CNIH2: variants seen among roughly 807,000 people sequenced by gnomAD.
The protein encoded by CNIH2 is protein cornichon homolog 2.
Under a neutral mutation model 22.9 loss-of-function variants are expected in CNIH2, and 8 were observed. That is an observed-to-expected ratio of 0.35 (90% CI 0.20 to 0.63). The LOEUF (loss-of-function observed/expected upper bound fraction) is 0.63, where lower values mean the gene tolerates loss of function less well. Among genes scored for constraint, CNIH2 ranks in the 30% least tolerant of loss-of-function variants. CNIH2 has a pLI of 0.72. For missense variants in CNIH2, 105 were observed against 206.2 expected (o/e 0.51, Z 3.01); for synonymous variants, 74 against 78.2 (o/e 0.95, Z 0.28).
chr11:66,278,653 C>G (rs1179177293), intron 1 of CNIH2, 116 bp downstream of exon 1: 3 of 678,082 alleles, frequency 4.4e-6, no homozygotes, highest in Non-Finnish European at 6.0e-6. Context: ...TATCCCCCAG[C>G]CGTCGGCTTG....
intron 5 of CNIH2, 58 bp downstream of exon 5, chr11:66,283,449 T>C (rs1682347323): frequency 4.3e-6 from 7 of 1,612,028 alleles, no homozygotes; most frequent in Non-Finnish European, 5.9e-6. Flanking sequence ...GCATCACGCT[T>C]CCAATCCCAA....
chr11:66,282,771 C>T lies in CNIH2; in HGVS notation c.189C>T (p.Leu63=). 6.2e-7 allele frequency: 1 copy of T among 1,612,350 alleles called. No homozygotes were observed. The change falls in exon 3 of 6, where the codon CTC becomes CTT. Residue 63 remains leucine (L), a synonymous_variant. Coordinates refer to ENST00000311445, the MANE Select transcript of CNIH2 (RefSeq NM_182553.3). ...AAAACATCGAACGCATCTGCTGCCTCCTGAGGAAGGTCAGTGTCAGGGCTG... is the reference window on the plus strand; with the variant it reads ...AAAACATCGAACGCATCTGCTGCCTTCTGAGGAAGGTCAGTGTCAGGGCTG... ...RLKNIERICC[L]LRKLVVPEYS...
At chr11:66,278,572 G>C in intron 1 of CNIH2, 35 bp downstream of exon 1, 1 of 1,265,560 alleles carries the variant, frequency 7.9e-7, no homozygotes, top group South Asian at 1.5e-5. Flanking sequence ...TGGGGGCGGG[G>C]TGGGGGGCAG....
At chr11:66,279,457 C>T (rs901179834) in intron 1 of CNIH2, among the ~76,000 whole-genome samples, 8 of 151,862 alleles carry the variant, frequency 5.3e-5, no homozygotes, top group Non-Finnish European at 1.2e-4. Context: ...CCACCCCCAC[C>T]CAAACCCCGT....
intron 1 of CNIH2, among the ~76,000 whole-genome samples, chr11:66,279,461 A>C (rs1223516377): frequency 3.3e-4 from 48 of 147,164 alleles, no homozygotes; most frequent in African/African-American, 4.3e-4. Flanking sequence ...CCCCACCCAA[A>C]CCCCGTGCCT....
chr11:66,279,605 C>A (rs1442802188), intron 1 of CNIH2, among the ~76,000 whole-genome samples: 1 of 152,142 alleles, frequency 6.6e-6, no homozygotes, highest in African/African-American at 2.4e-5. Flanking sequence ...ATCCCATTTC[C>A]CATAGCCCTT....
In CNIH2 at chr11:66,283,175, C is replaced by A; in HGVS notation, c.311+28C>A. The A allele has an allele frequency of 1.9e-6, 3 of 1,613,574 alleles. No individual in the cohort carries two copies. In the African/African-American group the frequency reaches 4.0e-5, roughly 22 times the overall value. ...GAGGGTAGCAGCTGCCTTGGGGAGG[C>A]TGAGATGGGGAACAGGGGCAGGATG... On this transcript the variant is annotated intron_variant, in intron 4 of 5. Transcript: ENST00000311445.
At position 66,283,410 on chromosome 11, in the gene CNIH2, C is replaced by G. The variant is rs1467454966; in HGVS notation, c.455+19C>G. Reference sequence around the variant, plus strand: ...TGTACAGGTGAGGCCTTGCCCACAGCAGTCAGAACTCAGGGAAGGGATGTC... The same window carrying G: ...TGTACAGGTGAGGCCTTGCCCACAGGAGTCAGAACTCAGGGAAGGGATGTC... On this transcript the variant is annotated intron_variant, in intron 5 of 5. Coordinates refer to ENST00000311445, the MANE Select transcript of CNIH2 (RefSeq NM_182553.3). 6.2e-7 allele frequency: 1 copy of G among 1,613,746 alleles called. No homozygotes were observed. The highest frequency in any genetic ancestry group is 8.5e-7 in the Non-Finnish European group (1 of 1,179,772).
intron 2 of CNIH2, 47 bp downstream of exon 2, chr11:66,282,374 T>C (rs1857271000): frequency 7.2e-7 from 1 of 1,381,134 alleles, no homozygotes; most frequent in South Asian, 1.1e-5. Context: ...CCGTCTGTCT[T>C]TCCATCTGTC....
At chr11:66,280,189 G>T (rs1857238795) in intron 1 of CNIH2, among the ~76,000 whole-genome samples, 1 of 152,226 alleles carries the variant, frequency 6.6e-6, no homozygotes, top group Non-Finnish European at 1.5e-5. Context: ...CTTTGAGGGG[G>T]TCAAGGATGA....
Position 66,283,136 on chromosome 11 carries a change from C to T in CNIH2, c.300C>T (p.Tyr100=). 1 of 1,613,708 alleles carries T rather than the reference C, an allele frequency of 6.2e-7. No individual in the cohort carries two copies. Among genetic ancestry groups the T allele is most frequent in the Non-Finnish European group, 8.5e-7 (1 of 1,179,736 alleles). Reference sequence around the variant, plus strand: ...GCCTCAACATCCCCCTCCTCTTCTACCACCTCTGGAGGTGAGGGTAGCAGC... The same window carrying T: ...GCCTCAACATCCCCCTCCTCTTCTATCACCTCTGGAGGTGAGGGTAGCAGC... The part of the protein sequence containing the change: ...TLGLNIPLLF[Y]HLWRYFHRPA... The change falls in exon 4 of 6, where the codon TAC becomes TAT. Residue 100 remains tyrosine, a synonymous_variant. Coordinates refer to ENST00000311445, the MANE Select transcript of CNIH2 (RefSeq NM_182553.3).
At chr11:66,282,556 T>G (rs1857275671) in intron 2 of CNIH2, 177 bp from the exon 3 acceptor site, 1 of 852,140 alleles carries the variant, frequency 1.2e-6, no homozygotes, top group Non-Finnish European at 1.9e-6. Flanking sequence ...GAGACGCGGG[T>G]GAAGGCCCTT....
intron 1 of CNIH2, among the ~76,000 whole-genome samples, chr11:66,280,400 C>A (rs770135133): frequency 2.6e-5 from 4 of 152,232 alleles, no homozygotes; most frequent in Non-Finnish European, 5.9e-5. Context: ...GACCTGTGCA[C>A]ATCAGAGTGC....
rs1417088024 is a variant in CNIH2, at chr11:66,283,698, G to A, written c.*101G>A. The A allele has an allele frequency of 3.7e-6, 5 of 1,345,060 alleles. No individual in the cohort carries two copies. In the African/African-American group the frequency reaches 5.9e-5, roughly 16 times the overall value. 83.3% of individuals were successfully genotyped at this position (1,345,060 alleles called of 1,614,324 possible). A position where few individuals can be genotyped will look rare whatever the true frequency, so the allele number is the denominator to read the frequency against. On this transcript the variant is annotated 3_prime_UTR_variant, in exon 6 of 6. Transcript: ENST00000311445. ...GAGGCCTCAGCCCTGGGGAGGGAGG[G>A]GGCACTGGTGCCCCCAGCCTCTCCA... is the stretch of plus-strand genomic sequence containing the variant.
At chr11:66,282,693 T>C (rs1565185663) in intron 2 of CNIH2, 40 bp from the exon 3 acceptor site, 1 of 1,612,616 alleles carries the variant, frequency 6.2e-7, no homozygotes, top group Non-Finnish European at 8.5e-7. Flanking sequence ...AGTACCTGCT[T>C]CTCCGCCACC....
Position 66,283,745 on chromosome 11 carries a change from G to A in CNIH2, c.*148G>A. On this transcript the variant is annotated 3_prime_UTR_variant, in exon 6 of 6. Transcript: ENST00000311445. ...TCCAACCCCCAAACTGCTGCTGCGG[G>A]GAACCCCCCCCACCCCGCCTTCAGA... 1.2e-6 allele frequency: 1 copy of A among 835,602 alleles called. No individual in the cohort carries two copies. Among genetic ancestry groups the A allele is most frequent in the South Asian group, 1.8e-5 (1 of 56,976 alleles). 51.8% of individuals were successfully genotyped at this position (835,602 alleles called of 1,614,324 possible).
At chr11:66,283,475 C>T in intron 5 of CNIH2, 84 bp downstream of exon 5, 2 of 1,610,658 alleles carry the variant, frequency 1.2e-6, no homozygotes, top group Non-Finnish European at 1.7e-6. Context: ...TGCCTTTTGC[C>T]CCTGAGGACT....
intron 1 of CNIH2, among the ~76,000 whole-genome samples, chr11:66,280,470 A>G (rs1213341615): frequency 6.6e-6 from 1 of 152,198 alleles, no homozygotes; most frequent in East Asian, 1.9e-4. Flanking sequence ...CACAGCTGCT[A>G]AGAACTAGAC....
chr11:66,282,366 G>A (rs779890404), intron 2 of CNIH2, 39 bp downstream of exon 2: 10 of 1,403,576 alleles, frequency 7.1e-6, no homozygotes, highest in East Asian at 3.6e-5. Context: ...GTGTCCGTCC[G>A]TCTGTCTTTC....
Sources: gnomAD v4.1 joint callset for allele counts (sites outside exome capture counted in the v4.1 genomes callset) on GRCh38, gnomAD v4.1.1 for gene constraint, MANE v1.5 for transcripts, NCBI Gene and HGNC (gene_info 2026-07-23, HGNC 2026-07-21) for gene names.